HS3ST3A1: variants seen among roughly 807,000 people sequenced by gnomAD.
HS3ST3A1 encodes the protein heparan sulfate glucosamine 3-O-sulfotransferase 3A1.
A neutral mutation model predicts 25.7 loss-of-function variants in HS3ST3A1; 19 were observed. The ratio of observed to expected loss-of-function variants is 0.74; its 90% CI spans 0.52 to 1.08. The LOEUF is 1.08. Among genes scored for constraint, HS3ST3A1 ranks in the 50% least tolerant of loss-of-function variants. The probability of loss-of-function intolerance (pLI) is 0.00; values close to 1 mark genes in which losing one functional copy is unlikely to be tolerated. For synonymous variants in HS3ST3A1, 226 were observed against 278.6 expected (o/e 0.81, Z 1.88); for missense variants, 459 against 594.3 (o/e 0.77, Z 2.37).
intron 1 of HS3ST3A1, among the ~76,000 whole-genome samples, chr17:13,531,042 C>T (rs971855739): frequency 2.0e-5 from 3 of 152,062 alleles, no homozygotes; most frequent in African/African-American, 7.3e-5. Flanking sequence ...TTCCTGAGGT[C>T]GATTCAGTGT....
chr17:13,543,315 T>C (rs1906988866), intron 1 of HS3ST3A1, among the ~76,000 whole-genome samples: 1 of 152,158 alleles, frequency 6.6e-6, no homozygotes, highest in African/African-American at 2.4e-5. Context: ...TACAGGTTGA[T>C]GGTGTCGGAA....
At chr17:13,529,471 A>G (rs561182701) in intron 1 of HS3ST3A1, among the ~76,000 whole-genome samples, 6 of 152,208 alleles carry the variant, frequency 3.9e-5, no homozygotes, top group Admixed American at 6.5e-5. Context: ...AAAAATTACC[A>G]AACTGCATTC....
At chr17:13,534,975 G>A (rs980706222) in intron 1 of HS3ST3A1, among the ~76,000 whole-genome samples, 8 of 152,082 alleles carry the variant, frequency 5.3e-5, no homozygotes, top group African/African-American at 1.7e-4. Flanking sequence ...GTGGTGAGCC[G>A]AGATTGTGCC....
chr17:13,502,730 C>T (rs1247894403), intron 1 of HS3ST3A1, among the ~76,000 whole-genome samples: 6 of 152,172 alleles, frequency 3.9e-5, no homozygotes, highest in Non-Finnish European at 5.9e-5. Flanking sequence ...TGGCATTTGC[C>T]TCTGGCTATT....
At chr17:13,526,896 A>G (rs1006563906) in intron 1 of HS3ST3A1, among the ~76,000 whole-genome samples, 3 of 151,660 alleles carry the variant, frequency 2.0e-5, no homozygotes, top group Admixed American at 2.0e-4. Flanking sequence ...CAGGTGATCT[A>G]CCCGCCTTGG....
intron 1 of HS3ST3A1, among the ~76,000 whole-genome samples, chr17:13,593,549 G>A (rs906635534): frequency 2.0e-5 from 3 of 152,292 alleles, no homozygotes; most frequent in Admixed American, 2.0e-4. Context: ...CAGGTGCGGG[G>A]CAGGGGAGGG....
At chr17:13,584,447 G>GAC (rs1239440756) in intron 1 of HS3ST3A1, among the ~76,000 whole-genome samples, 8 of 146,590 alleles carry the variant, frequency 5.5e-5, no homozygotes, top group Non-Finnish European at 9.0e-5. Context: ...AAGAAAGAGA[G>GAC]AGAGAGGAAG....
rs549995364 is a variant in HS3ST3A1, at chr17:13,503,229, T to C, written c.600-6411A>G. On this transcript the variant is annotated intron_variant, in intron 1 of 1. Coordinates refer to ENST00000284110, the MANE Select transcript of HS3ST3A1 (RefSeq NM_006042.3). ...GCTCCTATAAATCAATAAGTAAAAA[T>C]AGCTACACAGCATAGAAGAAAAACA... Among the ~76,000 whole-genome samples the C allele has an allele frequency of 4.0e-5, 5 of 124,162 alleles. No individual in the cohort carries two copies. The South Asian group carries it at 1.1e-3, about 26-fold the overall frequency. The allele number at this position is 124,162 out of a possible 152,430, so 81.5% of individuals were successfully genotyped here. A position where few individuals can be genotyped will look rare whatever the true frequency, so the allele number is the denominator to read the frequency against.
chr17:13,529,867 A>G (rs1364380861), intron 1 of HS3ST3A1, among the ~76,000 whole-genome samples: 1 of 149,668 alleles, frequency 6.7e-6, no homozygotes, highest in South Asian at 2.1e-4. Flanking sequence ...TGGGTTCTAG[A>G]GCTCCCCCCC....
chr17:13,496,102 A>G lies in HS3ST3A1; in HGVS notation c.*95T>C, dbSNP rs567189152. ...CATTCATTGAAAAAAATACTGAAAC[A>G]TATTTTCAGCACAAATATTAAACTG... is the stretch of plus-strand genomic sequence containing the variant. On this transcript the variant is annotated 3_prime_UTR_variant, in exon 2 of 2. Coordinates refer to ENST00000284110, the MANE Select transcript of HS3ST3A1 (RefSeq NM_006042.3). The G allele has an allele frequency of 1.0e-5, 14 of 1,341,120 alleles. No individual in the cohort carries two copies. In the African/African-American group the frequency reaches 1.6e-4, roughly 16 times the overall value. The allele number at this position is 1,341,120 out of a possible 1,614,324, so 83.1% of individuals were successfully genotyped here. A position where few individuals can be genotyped will look rare whatever the true frequency, so the allele number is the denominator to read the frequency against.
intron 1 of HS3ST3A1, among the ~76,000 whole-genome samples, chr17:13,503,274 C>T (rs1440381681): frequency 2.0e-5 from 3 of 151,718 alleles, no homozygotes; most frequent in African/African-American, 7.3e-5. Flanking sequence ...CTGGAATTAG[C>T]ACTTTTGAAG....
At chr17:13,598,257 G>A (rs1013202612) in intron 1 of HS3ST3A1, among the ~76,000 whole-genome samples, 3 of 152,046 alleles carry the variant, frequency 2.0e-5, no homozygotes, top group South Asian at 2.1e-4. Flanking sequence ...GGCATTCTGG[G>A]TGGGAGATTT....
At chr17:13,595,226 AAG>A (rs1339512726) in intron 1 of HS3ST3A1, among the ~76,000 whole-genome samples, 1 of 152,214 alleles carries the variant, frequency 6.6e-6, no homozygotes, top group Non-Finnish European at 1.5e-5. Flanking sequence ...GCAAAAATTC[AAG>A]AGTTACATCA....
chr17:13,551,756 A>C (rs1907253686), intron 1 of HS3ST3A1, among the ~76,000 whole-genome samples: 2 of 152,180 alleles, frequency 1.3e-5, no homozygotes, highest in South Asian at 4.1e-4. Context: ...AATCCTTATT[A>C]GTTAAGGTCC....
chr17:13,509,473 T>C (rs147979036), intron 1 of HS3ST3A1, among the ~76,000 whole-genome samples: 8 of 151,744 alleles, frequency 5.3e-5, no homozygotes, highest in South Asian at 2.1e-4. Context: ...TCTTAATGTG[T>C]CCATAAAAAT....
chr17:13,566,540 A>G (rs1005106349), intron 1 of HS3ST3A1, among the ~76,000 whole-genome samples: 1 of 152,228 alleles, frequency 6.6e-6, no homozygotes, highest in Non-Finnish European at 1.5e-5. Flanking sequence ...TGAGGAAGGC[A>G]TGTTGAAAGC....
chr17:13,569,154 C>T (rs1402408789), intron 1 of HS3ST3A1, among the ~76,000 whole-genome samples: 1 of 152,114 alleles, frequency 6.6e-6, no homozygotes, highest in Non-Finnish European at 1.5e-5. Flanking sequence ...TCCTGAATCC[C>T]AGCTTTCAAC....
chr17:13,591,813 C>T (rs558829970), intron 1 of HS3ST3A1, among the ~76,000 whole-genome samples: 1 of 152,114 alleles, frequency 6.6e-6, no homozygotes, highest in Admixed American at 6.5e-5. Flanking sequence ...GCGTCCACGA[C>T]CACATCCGGC....
chr17:13,547,894 T>C (rs1011581168), intron 1 of HS3ST3A1, among the ~76,000 whole-genome samples: 2 of 150,878 alleles, frequency 1.3e-5, no homozygotes, highest in African/African-American at 4.9e-5. Context: ...AATTGAGTTG[T>C]TGAACACCTA....
Sources: allele counts gnomAD v4.1 joint callset (sites outside exome capture counted in the v4.1 genomes callset), GRCh38; gene constraint gnomAD v4.1.1; transcripts MANE v1.5; gene names NCBI Gene and HGNC (gene_info 2026-07-23, HGNC 2026-07-21).